MED13L: variants seen among roughly 807,000 people sequenced by gnomAD.
The protein encoded by MED13L is mediator complex subunit 13L.
In MED13L, 7 loss-of-function variants were observed where a neutral mutation model predicts 220.9. That is an observed-to-expected ratio of 0.03 (90% confidence interval 0.02 to 0.06). The LOEUF is 0.06. Among genes scored for constraint, MED13L ranks in the 10% least tolerant of loss-of-function variants. MED13L has a pLI of 1.00. For missense variants in MED13L, 1,965 were observed against 2,760.5 expected (o/e 0.71, Z 6.46); for synonymous variants, 1,011 against 1,015.2 (o/e 1.00, Z 0.08).
In MED13L at chr12:116,211,679, G is replaced by A. The variant is rs536398905; in HGVS notation, c.310+25789C>T. On this transcript the variant is annotated intron_variant, in intron 2 of 30. Transcript: ENST00000281928. ...GTTAAGTGACAAAAAAAACAGGATG[G>A]AAAAATAAACCTAGAAAGTTCAAAG... Among the ~76,000 whole-genome samples the A allele has an allele frequency of 3.9e-5, 6 of 152,190 alleles. 1 individual carries two copies. In the South Asian group the frequency reaches 1.2e-3, roughly 32 times the overall value.
intron 1 of MED13L, among the ~76,000 whole-genome samples, chr12:116,258,498 C>T (rs1352676851): frequency 6.6e-6 from 1 of 151,984 alleles, no homozygotes; most frequent in Non-Finnish European, 1.5e-5. Flanking sequence ...AAAGAACGGC[C>T]GGACACGGTA....
chr12:116,048,026 T>C lies in MED13L; in HGVS notation c.480-25425A>G, dbSNP rs1881941219. 2.7e-5 allele frequency among the ~76,000 whole-genome samples: 4 copies of C among 150,028 alleles called. No homozygotes were observed. The South Asian group carries it at 8.6e-4, about 32-fold the overall frequency. The stretch of plus-strand genomic sequence containing the variant: ...GAGTTATACCTGCAAAGATCAAAGA[T>C]ATATGTTACTTTTTTTTTTTTTGAG... On this transcript the variant is annotated intron_variant, in intron 4 of 30. Transcript: ENST00000281928.
At chr12:116,206,911 A>G (rs1882371061) in intron 2 of MED13L, among the ~76,000 whole-genome samples, 1 of 152,226 alleles carries the variant, frequency 6.6e-6, no homozygotes, top group Middle Eastern at 3.2e-3. Flanking sequence ...AAACTCCAAA[A>G]TAAGATGAAA....
At chr12:116,194,064 T>C (rs1881455984) in intron 2 of MED13L, among the ~76,000 whole-genome samples, 1 of 152,178 alleles carries the variant, frequency 6.6e-6, no homozygotes, top group Non-Finnish European at 1.5e-5. Flanking sequence ...TATCTCCAAT[T>C]TTTAAAGATG....
At chr12:116,073,671 T>A (rs1415947781) in intron 4 of MED13L, among the ~76,000 whole-genome samples, 1 of 152,170 alleles carries the variant, frequency 6.6e-6, no homozygotes, top group Non-Finnish European at 1.5e-5. Flanking sequence ...GGAAGGTAAA[T>A]AAGTACATGT....
At chr12:116,077,216 A>G (rs967164846) in intron 4 of MED13L, among the ~76,000 whole-genome samples, 2 of 152,218 alleles carry the variant, frequency 1.3e-5, no homozygotes, top group African/African-American at 4.8e-5. Flanking sequence ...TACTAATTAT[A>G]ACAATGTCTT....
chr12:116,226,825 C>T (rs1045537874), intron 2 of MED13L, among the ~76,000 whole-genome samples: 2 of 147,662 alleles, frequency 1.4e-5, no homozygotes, highest in Non-Finnish European at 3.0e-5. Flanking sequence ...GCAGAGACTG[C>T]ACCACCATAC....
intron 28 of MED13L, among the ~76,000 whole-genome samples, chr12:115,967,170 CAAA>C (rs34377158): frequency 2.2e-5 from 1 of 45,246 alleles, no homozygotes; most frequent in Non-Finnish European, 4.0e-5. Context: ...GACTCTGTCT[CAAA>C]AAAAAAAAAA....
At chr12:116,274,430 A>T (rs905070788) in intron 1 of MED13L, among the ~76,000 whole-genome samples, 1 of 151,596 alleles carries the variant, frequency 6.6e-6, no homozygotes, top group Non-Finnish European at 1.5e-5. Flanking sequence ...AAAACAAAAA[A>T]AAAAAAAACC....
chr12:116,118,663 G>A (rs1442756172), intron 2 of MED13L, among the ~76,000 whole-genome samples: 1 of 152,120 alleles, frequency 6.6e-6, no homozygotes, highest in Admixed American at 6.5e-5. Context: ...TACAGGAGCA[G>A]CATATGTTTC....
At chr12:116,031,437 C>A (rs1159232054) in intron 4 of MED13L, among the ~76,000 whole-genome samples, 12 of 151,188 alleles carry the variant, frequency 7.9e-5, no homozygotes, top group African/African-American at 2.2e-4. Flanking sequence ...CACACACACA[C>A]AAAAATTAGC....
chr12:116,037,479 C>T (rs1000276431), intron 4 of MED13L, among the ~76,000 whole-genome samples: 2 of 152,158 alleles, frequency 1.3e-5, no homozygotes, highest in Non-Finnish European at 2.9e-5. Flanking sequence ...ATTCTGAAAT[C>T]CGATGAAATC....
chr12:116,041,009 T>C (rs1356814525), intron 4 of MED13L, among the ~76,000 whole-genome samples: 1 of 152,114 alleles, frequency 6.6e-6, no homozygotes, highest in African/African-American at 2.4e-5. Flanking sequence ...AGGGAGCCAG[T>C]GTTACTAATG....
chr12:116,071,286 G>A (rs1332541651), intron 4 of MED13L, among the ~76,000 whole-genome samples: 1 of 152,184 alleles, frequency 6.6e-6, no homozygotes, highest in African/African-American at 2.4e-5. Flanking sequence ...GGAAACTGAT[G>A]AAATTTCATG....
intron 4 of MED13L, among the ~76,000 whole-genome samples, chr12:116,092,680 A>T (rs889419874): frequency 1.3e-5 from 2 of 152,246 alleles, no homozygotes; most frequent in Non-Finnish European, 2.9e-5. Flanking sequence ...AGAAAATAAA[A>T]AAGAAGTTTT....
At chr12:116,082,886 G>A (rs770172753) in intron 4 of MED13L, among the ~76,000 whole-genome samples, 16 of 152,244 alleles carry the variant, frequency 1.1e-4, no homozygotes, top group Middle Eastern at 3.4e-3. Flanking sequence ...ATGATTTATA[G>A]AACAAAGGAC....
chr12:116,251,556 G>A (rs571101738), intron 1 of MED13L, among the ~76,000 whole-genome samples: 5 of 149,538 alleles, frequency 3.3e-5, no homozygotes, highest in East Asian at 2.0e-4. Flanking sequence ...TCAGGAGATC[G>A]AGACCATCCT....
At chr12:116,237,832 C>T in intron 1 of MED13L, 127 bp from the exon 2 acceptor site, 2 of 848,290 alleles carry the variant, frequency 2.4e-6, no homozygotes, top group South Asian at 2.9e-5. Flanking sequence ...TCATAAGATT[C>T]CTCCCAGTGA....
chr12:116,121,913 T>G (rs1444191868), intron 2 of MED13L, among the ~76,000 whole-genome samples: 3 of 151,986 alleles, frequency 2.0e-5, no homozygotes, highest in Non-Finnish European at 4.4e-5. Context: ...TTGTTGAAAA[T>G]CAAATTTCAC....
Sources: gnomAD v4.1 joint callset for allele counts (sites outside exome capture counted in the v4.1 genomes callset) on GRCh38, gnomAD v4.1.1 for gene constraint, MANE v1.5 for transcripts, NCBI Gene and HGNC (gene_info 2026-07-23, HGNC 2026-07-21) for gene names.